Variants in MSANTD7 observed in about 807,000 individuals in gnomAD.
MSANTD7 encodes Myb/SANT DNA binding domain containing 7.
chr10:14,839,919 TGTG>T, the MSANTD7 span: 1 of 1,612,828 alleles, frequency 6.2e-7, no homozygotes, highest in Non-Finnish European at 8.5e-7. Context: ...GCCGGGCTGG[TGTG>T]GTTGCAAATG....
At chr10:14,846,587 T>A in the MSANTD7 span, 1 of 978,990 alleles carries the variant, frequency 1.0e-6, no homozygotes, top group Non-Finnish European at 1.2e-6. Flanking sequence ...TTGAACCCCC[T>A]TAGAAAAGCT....
chr10:14,844,334 C>G, the MSANTD7 span: 5 of 1,041,604 alleles, frequency 4.8e-6, no homozygotes, highest in Admixed American at 5.0e-5. Context: ...TTCATATGGC[C>G]TTGGCTGAGG....
At chr10:14,842,883 G>GTCTTGT in the MSANTD7 span, 1 of 1,378,484 alleles carries the variant, frequency 7.3e-7, no homozygotes, top group Non-Finnish European at 9.8e-7. The surrounding 1 kb of genome is among the most constrained non-coding windows in gnomAD (Gnocchi z 5.2). Context: ...GGGTCCCAGA[G>GTCTTGT]TCTTGTGGCT....
At chr10:14,838,606 C>T in the MSANTD7 span, 117 of 723,226 alleles carry the variant, frequency 1.6e-4, no homozygotes, top group African/African-American at 1.3e-3. Context: ...GAGCGAAGGG[C>T]CGGGCAGGCC....
the MSANTD7 span, among the ~76,000 whole-genome samples, chr10:14,843,045 TTA>T: frequency 6.6e-6 from 1 of 152,232 alleles, no homozygotes; most frequent in African/African-American, 2.4e-5. Context: ...ACATAAGGTA[TTA>T]GAACCCTTTA....
chr10:14,845,309 A>G, the MSANTD7 span: 6 of 985,494 alleles, frequency 6.1e-6, no homozygotes, highest in African/African-American at 7.0e-5. Context: ...AAGTTGGAAA[A>G]ATAACAAAGA....
chr10:14,845,169 C>T, the MSANTD7 span: 227 of 985,276 alleles, frequency 2.3e-4, no homozygotes, highest in Non-Finnish European at 2.4e-4. Flanking sequence ...GCCACACTTC[C>T]GATTTACTCT....
At chr10:14,844,527 C>T in the MSANTD7 span, 2 of 987,058 alleles carry the variant, frequency 2.0e-6, no homozygotes, top group African/African-American at 1.7e-5. Context: ...TAATCTCTTA[C>T]ATTTCCACTG....
At chr10:14,844,563 A>G in the MSANTD7 span, 3 of 985,716 alleles carry the variant, frequency 3.0e-6, no homozygotes, top group Non-Finnish European at 3.6e-6. Flanking sequence ...ATCTACTAGT[A>G]AGCACTGTTT....
At chr10:14,841,994 G>T in the MSANTD7 span, 1 of 544,384 alleles carries the variant, frequency 1.8e-6, no homozygotes, top group Non-Finnish European at 3.4e-6. Flanking sequence ...TGTCTACCCT[G>T]GGTGAACTCC....
At chr10:14,842,799 G>A in the MSANTD7 span, 9 of 1,536,266 alleles carry the variant, frequency 5.9e-6, no homozygotes, top group East Asian at 2.4e-5. The surrounding 1 kb of genome is among the most constrained non-coding windows in gnomAD (Gnocchi z 5.2). Context: ...GACCGGATAC[G>A]AGAAACCAGT....
chr10:14,840,883 C>G, the MSANTD7 span, among the ~76,000 whole-genome samples: 21 of 152,204 alleles, frequency 1.4e-4, no homozygotes, highest in African/African-American at 4.8e-4. Context: ...CAAATACTAT[C>G]ATTCCCCATT....
the MSANTD7 span, chr10:14,844,684 A>G: frequency 1.0e-6 from 1 of 974,608 alleles, no homozygotes; most frequent in Non-Finnish European, 1.2e-6. Flanking sequence ...TATATCGATA[A>G]TCTTCAATAT....
At chr10:14,843,450 C>T in the MSANTD7 span, 1 of 1,550,712 alleles carries the variant, frequency 6.4e-7, no homozygotes. Flanking sequence ...AGAGCAGCCC[C>T]ATGGCCAGAC....
chr10:14,843,969 C>T, the MSANTD7 span: 2 of 1,504,436 alleles, frequency 1.3e-6, no homozygotes, highest in Admixed American at 4.4e-5. Flanking sequence ...GAATCCCTGG[C>T]TCCTTTTCTG....
At chr10:14,843,530 C>T in the MSANTD7 span, 35 of 1,550,590 alleles carry the variant, frequency 2.3e-5, no homozygotes, top group East Asian at 2.4e-4. Context: ...GCCTCCACAC[C>T]GCAGACTCCA....
chr10:14,845,363 G>A, the MSANTD7 span: 27 of 985,154 alleles, frequency 2.7e-5, no homozygotes, highest in East Asian at 1.1e-4. Context: ...TTGCAGGCTC[G>A]AGTGCTTAGC....
At chr10:14,843,540 A>T in the MSANTD7 span, 1 of 1,550,688 alleles carries the variant, frequency 6.4e-7, no homozygotes, top group Non-Finnish European at 8.7e-7. Context: ...CGCAGACTCC[A>T]GTCTCCTCTT....
chr10:14,839,913 G>T, the MSANTD7 span: 1 of 1,612,706 alleles, frequency 6.2e-7, no homozygotes, highest in Non-Finnish European at 8.5e-7. Context: ...AGGATGGCCG[G>T]GCTGGTGTGG....
Sources: allele counts gnomAD v4.1 joint callset (sites outside exome capture counted in the v4.1 genomes callset), GRCh38; gene constraint gnomAD v4.1.1; non-coding constraint Gnocchi (gnomAD v3.1); transcripts MANE v1.5; gene names NCBI Gene and HGNC (gene_info 2026-07-23, HGNC 2026-07-21).